The following TGIF1 variants were observed in gnomAD, a reference collection of about 807,000 sequenced individuals.
The protein encoded by TGIF1 is homeobox protein TGIF1.
TGIF1 carries 4 observed loss-of-function variants against 19.3 expected under a neutral mutation model. The ratio of observed to expected loss-of-function variants is 0.21; its 90% CI spans 0.10 to 0.47. TGIF1 has a LOEUF of 0.47. Among genes scored for constraint, TGIF1 ranks in the 20% least tolerant of loss-of-function variants. TGIF1 has a pLI of 0.98. For synonymous variants in TGIF1, 122 were observed against 129.3 expected, an observed-to-expected ratio of 0.94 and a Z score of 0.38; for missense variants, 275 against 341.4, an observed-to-expected ratio of 0.81 and a Z score of 1.53.
chr18:3,457,573 C>G lies in TGIF1; in HGVS notation c.452C>G (p.Thr151Ser), dbSNP rs1241114721. 3.7e-6 allele frequency: 6 copies of G among 1,614,146 alleles called. No individual in the cohort carries two copies. In the East Asian group the frequency reaches 1.3e-4, roughly 36 times the overall value. The change falls in exon 3 of 3, where the codon ACC becomes AGC. Residue 151 changes from threonine (T) to serine (S), a missense_variant. Thr to Ser is a moderately conservative substitution (Grantham distance 58). Transcript: ENST00000343820. This position sits in a 1 kb window ranked among gnomAD's most constrained non-coding sequence, Gnocchi z 4.9. ...FHSCTAGPNP[T>S]LGRPLSPKPS... ...TCCTGTACAGCTGGGCCAAACCCAA[C>G]CCTAGGGAGGCCACTGTCTCCTAAG...
rs558657544 is a variant in TGIF1, at chr18:3,443,641, A to G, written c.-44-12713A>G. Among the ~76,000 whole-genome samples the G allele has an allele frequency of 1.5e-3, 228 of 152,172 alleles. 1 individual carries two copies. The highest frequency in any genetic ancestry group is 5.0e-3 in the African/African-American group (206 of 41,506). ...ACCCAGGCTGGAGTGCAATGGCGCA[A>G]TCTCGGCTCACTCCACCTCCCAGGT... On this transcript the variant is annotated intron_variant, in intron 2 of 3. Coordinates refer to the TGIF1 transcript ENST00000401449.
chr18:3,438,367 G>C (rs1170288800), intron 2 of TGIF1, among the ~76,000 whole-genome samples: 1 of 152,108 alleles, frequency 6.6e-6, no homozygotes, highest in Non-Finnish European at 1.5e-5. Flanking sequence ...TGGGAGAAGA[G>C]AGAGAAGGTG....
rs1463766427 is a variant in TGIF1, at chr18:3,459,973, AC to A, written c.*2034del. 6.6e-6 allele frequency: 1 copy of A among 152,116 alleles called. No homozygotes were observed. The highest frequency in any genetic ancestry group is 2.4e-5 in the African/African-American group (1 of 41,436). 9.4% of individuals were successfully genotyped at this position (152,116 alleles called of 1,614,324 possible). On this transcript the variant is annotated 3_prime_UTR_variant, in exon 3 of 3. Coordinates refer to ENST00000343820, the MANE Select transcript of TGIF1 (RefSeq NM_003244.4). ...TGCAATATATCTTTTTAATTTGTTT[AC>A]TTTTCACCTATTTGTGTTTTTGAAG...
chr18:3,439,975 C>A lies in TGIF1; in HGVS notation c.-44-16379C>A, dbSNP rs573309230. Among the ~76,000 whole-genome samples, 22 of 150,674 alleles carry A rather than the reference C, an allele frequency of 1.5e-4. 2 individuals are homozygous for A. The East Asian group carries it at 4.3e-3, about 29-fold the overall frequency. On this transcript the variant is annotated intron_variant, in intron 2 of 3. Transcript: ENST00000401449. ...GGTGGAGGTTGCAGTGAGCCAAGATCGAACCACTGCACTCCAGCTTGGGCA... is the reference window on the plus strand; with the variant it reads ...GGTGGAGGTTGCAGTGAGCCAAGATAGAACCACTGCACTCCAGCTTGGGCA...
In TGIF1 at chr18:3,450,275, A is replaced by AG. The variant is rs543055538; in HGVS notation, c.-214dup. 2.9e-3 allele frequency: 4,184 copies of AG among 1,433,948 alleles called. 5 individuals are homozygous for AG. Among genetic ancestry groups the AG allele is most frequent in the Non-Finnish European group, 3.5e-3 (3,871 of 1,096,712 alleles). 88.8% of individuals were successfully genotyped at this position (1,433,948 alleles called of 1,614,324 possible). A position where few individuals can be genotyped will look rare whatever the true frequency, so the allele number is the denominator to read the frequency against. ...GGAGAGCCCCCGGCCGGCTGCCAGA[A>AG]GATCCCGGCGGGAGGAAGCCCAAGT... On this transcript the variant is annotated 5_prime_UTR_variant, in exon 1 of 3. Coordinates refer to ENST00000343820, the MANE Select transcript of TGIF1 (RefSeq NM_003244.4).
At position 3,452,577 on chromosome 18, in the gene TGIF1, A is replaced by AC. The variant is rs201331180; in HGVS notation, c.16+2072_16+2073insC. On this transcript the variant is annotated intron_variant, in intron 1 of 2. Transcript: ENST00000343820. ...GTCCTGGAGTTCCTTTGCTTGTGCT[A>AC]ACTCGTGCAGTGTGCGGGCCGGCCT... Among the ~76,000 whole-genome samples the AC allele has an allele frequency of 7.2e-3, 1,090 of 152,044 alleles. 16 individuals carry two copies. Among genetic ancestry groups the AC allele is most frequent in the African/African-American group, 0.025 (1,045 of 41,412 alleles).
chr18:3,448,084 G>A, upstream of TGIF1: 1 of 973,308 alleles, frequency 1.0e-6, no homozygotes, highest in Non-Finnish European at 1.2e-6. Context: ...GGGGGGGGAG[G>A]TAGGGTTAAA....
At chr18:3,428,061 C>T (rs1348792423) in intron 2 of TGIF1, among the ~76,000 whole-genome samples, 2 of 152,198 alleles carry the variant, frequency 1.3e-5, no homozygotes, top group Non-Finnish European at 2.9e-5. Context: ...GCCTTTTTCA[C>T]TGTGCTGACA....
chr18:3,414,661 T>C (rs2082308431), intron 1 of TGIF1, among the ~76,000 whole-genome samples: 1 of 152,224 alleles, frequency 6.6e-6, no homozygotes, highest in African/African-American at 2.4e-5. Flanking sequence ...AGTTTCCTTT[T>C]ACCAACAGAT....
intron 1 of TGIF1, among the ~76,000 whole-genome samples, chr18:3,417,161 C>T (rs570215775): frequency 9.1e-4 from 138 of 151,822 alleles, no homozygotes; most frequent in Middle Eastern, 3.4e-3. Flanking sequence ...TGTTGTTGTT[C>T]GTTGTTTGTT....
intron 2 of TGIF1, among the ~76,000 whole-genome samples, chr18:3,444,925 T>C (rs946059156): frequency 6.6e-5 from 10 of 152,138 alleles, no homozygotes; most frequent in Non-Finnish European, 1.5e-4. Flanking sequence ...GTGATCCTCC[T>C]CCCCATGGGG....
intron 1 of TGIF1, chr18:3,415,431 G>C (rs1489380330): frequency 2.0e-6 from 1 of 496,680 alleles, no homozygotes; most frequent in South Asian, 1.4e-5. Context: ...TTATTTCTCA[G>C]GCAGAGGATC....
chr18:3,449,538 T>TAGC, upstream of TGIF1: 8 of 961,928 alleles, frequency 8.3e-6, no homozygotes, highest in Non-Finnish European at 9.8e-6. Flanking sequence ...GTCTCATCAT[T>TAGC]CCCCCCCGCC....
intron 2 of TGIF1, among the ~76,000 whole-genome samples, chr18:3,441,429 T>C (rs1051627002): frequency 6.6e-5 from 10 of 152,208 alleles, no homozygotes; most frequent in African/African-American, 2.4e-4. Flanking sequence ...ACTGACATTT[T>C]GAACAGGAGA....
At chr18:3,453,337 T>C (rs950322401) in intron 1 of TGIF1, among the ~76,000 whole-genome samples, 5 of 152,146 alleles carry the variant, frequency 3.3e-5, no homozygotes, top group Admixed American at 2.0e-4. Context: ...TAGAGTCTCT[T>C]CACAACCGGT....
At chr18:3,427,266 G>C (rs1269875146) in intron 2 of TGIF1, among the ~76,000 whole-genome samples, 1 of 150,830 alleles carries the variant, frequency 6.6e-6, no homozygotes, top group Admixed American at 6.6e-5. Flanking sequence ...AAACTGATAC[G>C]GAGTGATTTC....
rs1220816915 is a variant in TGIF1, at chr18:3,451,232, G to A, written c.16+727G>A. The stretch of plus-strand genomic sequence containing the variant: ...GTCAAAATGCGTCCAAATGTGACAA[G>A]CAGGCTTGGTTGTAAGTGCAAAGAG... On this transcript the variant is annotated intron_variant, in intron 1 of 2. Transcript: ENST00000343820. This position sits in a 1 kb window ranked among gnomAD's most constrained non-coding sequence, Gnocchi z 5.4. Among the ~76,000 whole-genome samples, 2 of 152,308 alleles carry A rather than the reference G, an allele frequency of 1.3e-5. No individual in the cohort carries two copies. Among genetic ancestry groups the A allele is most frequent in the East Asian group, 3.9e-4 (2 of 5,184 alleles).
chr18:3,426,140 T>C (rs12960460), intron 2 of TGIF1, among the ~76,000 whole-genome samples: 14,538 of 150,244 alleles, frequency 0.097, 885 homozygotes, highest in Middle Eastern at 0.13. Flanking sequence ...TTAGCCCTAA[T>C]CTCAGGCCCA....
chr18:3,445,303 C>G (rs1399255970), upstream of TGIF1, among the ~76,000 whole-genome samples: 2 of 152,126 alleles, frequency 1.3e-5, no homozygotes, highest in African/African-American at 4.8e-5. Flanking sequence ...AATGGAAAAC[C>G]CATTGCCTTT....
Sources: allele counts gnomAD v4.1 joint callset (sites outside exome capture counted in the v4.1 genomes callset), GRCh38; gene constraint gnomAD v4.1.1; non-coding constraint Gnocchi (gnomAD v3.1); transcripts MANE v1.5; gene names NCBI Gene and HGNC (gene_info 2026-07-23, HGNC 2026-07-21).